EDIL3: variants seen among roughly 807,000 people sequenced by gnomAD.
The protein encoded by EDIL3 is EGF like and discoidin domains 3, also known as EGF-like repeat and discoidin I-like domain-containing protein 3.
A neutral mutation model predicts 67.4 loss-of-function variants in EDIL3; 37 were observed. The ratio of observed to expected loss-of-function variants is 0.55; its 90% CI spans 0.42 to 0.72. EDIL3 has a LOEUF of 0.72. Among genes scored for constraint, EDIL3 ranks in the 30% least tolerant of loss-of-function variants. The probability of loss-of-function intolerance (pLI) is 0.00; values close to 1 mark genes in which losing one functional copy is unlikely to be tolerated. For synonymous variants in EDIL3, 195 were observed against 196.3 expected, an observed-to-expected ratio of 0.99 and a Z score of 0.05; for missense variants, 527 against 586.3, an observed-to-expected ratio of 0.90 and a Z score of 1.04.
intron 1 of EDIL3, among the ~76,000 whole-genome samples, chr5:84,256,571 T>C (rs1745128190): frequency 6.6e-6 from 1 of 152,054 alleles, no homozygotes. Flanking sequence ...TAAATACGTA[T>C]TAGAAATAGA....
chr5:84,092,776 A>G (rs72774796), intron 6 of EDIL3, among the ~76,000 whole-genome samples: 10,020 of 141,912 alleles, frequency 0.071, 468 homozygotes, highest in Middle Eastern at 0.14. Context: ...TCAAACATTT[A>G]TTCTTTTAAC....
chr5:84,013,339 G>A (rs1204052899), intron 9 of EDIL3, among the ~76,000 whole-genome samples: 6 of 152,018 alleles, frequency 3.9e-5, no homozygotes, highest in African/African-American at 1.4e-4. Flanking sequence ...GGCTAACTTG[G>A]TCTATGTAAT....
intron 3 of EDIL3, among the ~76,000 whole-genome samples, chr5:84,229,638 C>T (rs554250156): frequency 1.8e-3 from 272 of 152,038 alleles, no homozygotes; most frequent in African/African-American, 6.1e-3. Flanking sequence ...TGTATTAGTT[C>T]GTTTCAAGAC....
chr5:84,010,618 T>C (rs1009245520), intron 9 of EDIL3, among the ~76,000 whole-genome samples: 18 of 152,198 alleles, frequency 1.2e-4, no homozygotes, highest in African/African-American at 4.3e-4. Flanking sequence ...CATAATACTG[T>C]ATACTGTTTT....
intron 9 of EDIL3, among the ~76,000 whole-genome samples, chr5:83,990,919 AAATAAAT>A (rs1745140473): frequency 6.7e-6 from 1 of 148,438 alleles, no homozygotes; most frequent in African/African-American, 2.5e-5. Context: ...ATAAATAAAT[AAATAAAT>A]AAAATAAAAG....
chr5:84,379,122 A>G (rs1001464804), intron 1 of EDIL3, among the ~76,000 whole-genome samples: 1 of 152,166 alleles, frequency 6.6e-6, no homozygotes, highest in African/African-American at 2.4e-5. Flanking sequence ...GAAACCGACT[A>G]TTTGGCACAA....
At chr5:84,231,659 CA>C (rs764236831) in intron 2 of EDIL3, among the ~76,000 whole-genome samples, 3 of 152,036 alleles carry the variant, frequency 2.0e-5, no homozygotes, top group Admixed American at 6.6e-5. Context: ...CTCCTTGGCA[CA>C]TAAAGAAATG....
intron 1 of EDIL3, among the ~76,000 whole-genome samples, chr5:84,376,795 G>T (rs1239320527): frequency 2.0e-5 from 3 of 152,084 alleles, no homozygotes; most frequent in African/African-American, 7.2e-5. Flanking sequence ...TGTTTGTTTT[G>T]CCTGGTACTA....
rs374367739 is a variant in EDIL3 at position 84,029,367 on chromosome 5, G to A, written c.1137+30933C>T. Among the ~76,000 whole-genome samples, 7 of 152,054 alleles carry A rather than the reference G, an allele frequency of 4.6e-5. No homozygotes were observed. The South Asian group carries it at 6.2e-4, about 14-fold the overall frequency. ...CATGACTTGCTCCTCCTTGCCTTCC[G>A]CAACGATTGTGAGGCCTCCCCAGCC... On this transcript the variant is annotated intron_variant, in intron 9 of 10. Coordinates refer to ENST00000296591, the MANE Select transcript of EDIL3 (RefSeq NM_005711.5).
chr5:84,311,312 CTTTTTTTTTTTCTTTTT>C (rs997096542), intron 1 of EDIL3, among the ~76,000 whole-genome samples: 6 of 93,904 alleles, frequency 6.4e-5, no homozygotes, highest in Non-Finnish European at 1.5e-4. Context: ...AATGTATTTT[CTTTTTTTTTTTCTTTTT>C]TTTTTTTTTT....
At chr5:84,196,998 T>C (rs1291419899) in intron 3 of EDIL3, 3 of 152,006 alleles carry the variant, frequency 2.0e-5, no homozygotes, top group Non-Finnish European at 2.9e-5. Context: ...TCAGGATCTC[T>C]AAATTTGAGG....
chr5:84,234,232 T>C (rs976347091), intron 2 of EDIL3, among the ~76,000 whole-genome samples: 1 of 152,014 alleles, frequency 6.6e-6, no homozygotes, highest in Non-Finnish European at 1.5e-5. Flanking sequence ...ACCACCATGC[T>C]TTGATACAAT....
chr5:83,957,822 G>A (rs1031479042), intron 10 of EDIL3, among the ~76,000 whole-genome samples: 1 of 151,470 alleles, frequency 6.6e-6, no homozygotes, highest in Admixed American at 6.6e-5. Context: ...CACCTTTACT[G>A]AGCTTCTCAT....
In EDIL3 at chr5:84,384,479, G is replaced by A; in HGVS notation, c.-105C>T. 1 of 1,074,842 alleles carries A rather than the reference G, an allele frequency of 9.3e-7. No homozygotes were observed. The highest frequency in any genetic ancestry group is 1.4e-5 in the South Asian group (1 of 72,524). 66.6% of individuals were successfully genotyped at this position (1,074,842 alleles called of 1,614,324 possible). ...AGCAGCAGACTCCGCCCCTACTAAAGAATTCAAGAAGACGTTCTCTTTCCT... is the reference window on the plus strand; with the variant it reads ...AGCAGCAGACTCCGCCCCTACTAAAAAATTCAAGAAGACGTTCTCTTTCCT... On this transcript the variant is annotated 5_prime_UTR_variant, in exon 1 of 11. Coordinates refer to ENST00000296591, the MANE Select transcript of EDIL3 (RefSeq NM_005711.5).
chr5:84,341,996 C>A (rs956041892), intron 1 of EDIL3, among the ~76,000 whole-genome samples: 1 of 152,004 alleles, frequency 6.6e-6, no homozygotes, highest in African/African-American at 2.4e-5. Flanking sequence ...ATCCAACAAA[C>A]CCTCCCCTGG....
At chr5:84,256,118 A>ATCT (rs776115663) in intron 1 of EDIL3, among the ~76,000 whole-genome samples, 1,479 of 103,340 alleles carry the variant, frequency 0.014, 18 homozygotes, top group African/African-American at 0.04. Flanking sequence ...CTTATCATCT[A>ATCT]ACTATCTATC....
At chr5:84,276,782 C>T (rs954429572) in intron 1 of EDIL3, among the ~76,000 whole-genome samples, 1 of 151,942 alleles carries the variant, frequency 6.6e-6, no homozygotes, top group African/African-American at 2.4e-5. Flanking sequence ...CCATGTTGGC[C>T]AGGCTGGTCT....
intron 1 of EDIL3, among the ~76,000 whole-genome samples, chr5:84,279,640 C>T (rs1382769221): frequency 6.6e-6 from 1 of 152,080 alleles, no homozygotes; most frequent in South Asian, 2.1e-4. Flanking sequence ...TGGATGGATG[C>T]CTTGGTCTAA....
intron 4 of EDIL3, among the ~76,000 whole-genome samples, chr5:84,160,134 T>C (rs529092937): frequency 1.3e-5 from 2 of 152,284 alleles, no homozygotes; most frequent in South Asian, 2.1e-4. Context: ...CTTCAGAACC[T>C]TTGTACTGGT....
Sources: allele counts gnomAD v4.1 joint callset (sites outside exome capture counted in the v4.1 genomes callset), GRCh38; gene constraint gnomAD v4.1.1; transcripts MANE v1.5; gene names NCBI Gene and HGNC (gene_info 2026-07-23, HGNC 2026-07-21).